KIF16B: variants seen among roughly 807,000 people sequenced by gnomAD.
KIF16B encodes the protein kinesin-like protein KIF16B.
A neutral mutation model predicts 156.3 loss-of-function variants in KIF16B; 98 were observed. The ratio of observed to expected loss-of-function variants is 0.63; its 90% CI spans 0.53 to 0.74. KIF16B has a LOEUF of 0.74. Ranked by LOEUF, KIF16B falls within the 30% of genes least tolerant of loss-of-function variation. KIF16B has a pLI of 0.00. For synonymous variants in KIF16B, 564 were observed against 583.7 expected (o/e 0.97, Z 0.49); for missense variants, 1,421 against 1,606.5 (o/e 0.88, Z 1.97).
chr20:16,301,800 C>T (rs1426724461), intron 25 of KIF16B, among the ~76,000 whole-genome samples: 1 of 152,138 alleles, frequency 6.6e-6, no homozygotes, highest in Non-Finnish European at 1.5e-5. Flanking sequence ...CAGGCATGCA[C>T]CACTACACCC....
chr20:16,568,820 A>T (rs1379077204), intron 1 of KIF16B, among the ~76,000 whole-genome samples: 1 of 4,546 alleles, frequency 2.2e-4, no homozygotes, highest in African/African-American at 9.8e-4. Context: ...ACCCTGTCTC[A>T]AAAAAAAAAA....
intron 17 of KIF16B, 42 bp from the exon 18 acceptor site, chr20:16,381,789 T>C: frequency 6.7e-7 from 1 of 1,499,678 alleles, no homozygotes; most frequent in Non-Finnish European, 9.2e-7. Flanking sequence ...TCTAAAGAGC[T>C]TTTCTATCTC....
At chr20:16,514,954 A>C (rs1291770020) in intron 4 of KIF16B, among the ~76,000 whole-genome samples, 2 of 151,716 alleles carry the variant, frequency 1.3e-5, no homozygotes, top group Non-Finnish European at 2.9e-5. Context: ...AAAACACAGA[A>C]CAAGAAAGTT....
chr20:16,504,588 C>T (rs776378205), intron 9 of KIF16B, 41 bp from the exon 10 acceptor site: 4 of 1,560,792 alleles, frequency 2.6e-6, no homozygotes, highest in Non-Finnish European at 3.5e-6. Context: ...TCCAGCACTC[C>T]ATGTTCCATT....
intron 17 of KIF16B, chr20:16,382,204 G>T: frequency 1.0e-6 from 1 of 976,092 alleles, no homozygotes; most frequent in Non-Finnish European, 1.4e-6. Context: ...CATTTAATAG[G>T]AAGGAATATC....
At chr20:16,508,632 T>G (rs754388328) in intron 6 of KIF16B, among the ~76,000 whole-genome samples, 4 of 152,140 alleles carry the variant, frequency 2.6e-5, no homozygotes, top group Non-Finnish European at 4.4e-5. Context: ...AGAGCTCAGA[T>G]AGTAACGCTT....
chr20:16,339,010 C>T (rs1388091378), intron 23 of KIF16B, among the ~76,000 whole-genome samples: 1 of 151,940 alleles, frequency 6.6e-6, no homozygotes, highest in African/African-American at 2.4e-5. Flanking sequence ...AGTGGAGTGG[C>T]AGACGGAAGG....
Position 16,273,165 on chromosome 20 carries a change from C to CGCTGG in KIF16B, c.*87_*88insCCAGC. 3 of 1,169,882 alleles carry CGCTGG rather than the reference C, an allele frequency of 2.6e-6. No homozygotes were observed. Among genetic ancestry groups the CGCTGG allele is most frequent in the Non-Finnish European group, 3.8e-6 (3 of 793,408 alleles). The allele number at this position is 1,169,882 out of a possible 1,614,324, so 72.5% of individuals were successfully genotyped here. ...TGTCTTCAGCAGGAGGAGGCAGACC[C>CGCTGG]GGATCCTCGCATGGGGGAGCTGCCC... On this transcript the variant is annotated 3_prime_UTR_variant, in exon 26 of 26. Transcript: ENST00000354981.
chr20:16,528,275 G>T, intron 2 of KIF16B, 96 bp downstream of exon 2: 1 of 930,970 alleles, frequency 1.1e-6, no homozygotes, highest in Non-Finnish European at 1.7e-6. Context: ...GGAGGGTGTG[G>T]AAACAGCAGA....
intron 25 of KIF16B, among the ~76,000 whole-genome samples, chr20:16,280,539 G>T (rs1601478336): frequency 6.6e-6 from 1 of 152,186 alleles, no homozygotes; most frequent in Non-Finnish European, 1.5e-5. Flanking sequence ...TCCGGTTCAT[G>T]AGCTTATGTG....
chr20:16,510,703 C>T (rs1334872343), intron 6 of KIF16B, among the ~76,000 whole-genome samples: 1 of 152,126 alleles, frequency 6.6e-6, no homozygotes, highest in Non-Finnish European at 1.5e-5. Context: ...TGGTATCTCC[C>T]AGGAAAAGAA....
At chr20:16,347,776 C>T (rs947020052) in intron 23 of KIF16B, among the ~76,000 whole-genome samples, 3 of 152,162 alleles carry the variant, frequency 2.0e-5, no homozygotes, top group Admixed American at 6.5e-5. Context: ...CCATTTGTCT[C>T]GGCCGTGCTA....
Position 16,508,031 on chromosome 20 carries a change from C to T in KIF16B, c.626G>A (p.Arg209Gln), listed in dbSNP as rs778008000. The change falls in exon 7 of 26, where the codon CGG (arginine) becomes CAG (glutamine). Residue 209 changes from arginine (R) to glutamine (Q), a missense_variant. Physicochemically the swap from Arg to Gln is conservative, Grantham distance 43. Transcript: ENST00000354981. ...GTTCATCCCAGTCGCTGCGGTGGTC[C>T]GGTTGATATTGCCCGCATCCATAAG... ...EELMDAGNINRTTAATGMNDV... is the reference protein window; with the variant it reads ...EELMDAGNINQTTAATGMNDV... The T allele has an allele frequency of 1.1e-5, 17 of 1,613,878 alleles. No individual in the cohort carries two copies. The highest frequency in any genetic ancestry group is 6.6e-5 in the South Asian group (6 of 91,086).
chr20:16,381,854 G>T, intron 17 of KIF16B, 107 bp from the exon 18 acceptor site: 1 of 952,192 alleles, frequency 1.1e-6, no homozygotes, highest in Non-Finnish European at 1.6e-6. Context: ...AGTTTTTCAA[G>T]TATTACTTTT....
At chr20:16,522,925 G>T (rs1487076814) in intron 3 of KIF16B, among the ~76,000 whole-genome samples, 1 of 152,006 alleles carries the variant, frequency 6.6e-6, no homozygotes, top group Admixed American at 6.6e-5. Context: ...CAGAACGAAT[G>T]ACAAAAACCA....
intron 15 of KIF16B, among the ~76,000 whole-genome samples, chr20:16,421,656 A>G (rs1377540252): frequency 6.6e-6 from 1 of 152,210 alleles, no homozygotes; most frequent in Non-Finnish European, 1.5e-5. Flanking sequence ...TAATTAAAAG[A>G]AAAGTTATCA....
chr20:16,445,875 TTG>T (rs982288630), intron 12 of KIF16B, among the ~76,000 whole-genome samples: 3 of 152,218 alleles, frequency 2.0e-5, no homozygotes, highest in African/African-American at 7.2e-5. Context: ...CTTCCATTTT[TTG>T]TGTCTCTCTT....
chr20:16,411,524 A>G (rs2065955101), intron 15 of KIF16B, among the ~76,000 whole-genome samples: 2 of 152,056 alleles, frequency 1.3e-5, no homozygotes, highest in South Asian at 4.1e-4. Flanking sequence ...GAGTAGCTGC[A>G]GACCTTTCTG....
At chr20:16,331,310 A>T (rs1200617890) in intron 24 of KIF16B, among the ~76,000 whole-genome samples, 1 of 152,200 alleles carries the variant, frequency 6.6e-6, no homozygotes, top group East Asian at 1.9e-4. Context: ...GTCACACCAA[A>T]CTGTTAAAAG....
Sources: gnomAD v4.1 joint callset for allele counts (sites outside exome capture counted in the v4.1 genomes callset) on GRCh38, gnomAD v4.1.1 for gene constraint, MANE v1.5 for transcripts, NCBI Gene and HGNC (gene_info 2026-07-23, HGNC 2026-07-21) for gene names.